The following PTPRU variants were observed in gnomAD, a reference collection of about 807,000 sequenced individuals.
The protein encoded by PTPRU is receptor-type tyrosine-protein phosphatase U.
Under a neutral mutation model 166.3 loss-of-function variants are expected in PTPRU, and 69 were observed. That is an observed-to-expected ratio of 0.41 (90% CI 0.34 to 0.51). The LOEUF is 0.51. PTPRU is among the 20% of genes least tolerant of loss of function. The pLI is 0.09. For synonymous variants in PTPRU, 793 were observed against 814.0 expected (o/e 0.97, Z 0.44); for missense variants, 1,657 against 2,013.7 (o/e 0.82, Z 3.39).
rs1686620010 is a variant in PTPRU at position 29,291,329 on chromosome 1, A to C, written c.2319-540A>C. 6.6e-6 allele frequency among the ~76,000 whole-genome samples: 1 copy of C among 151,922 alleles called. No individual in the cohort carries two copies. The highest frequency in any genetic ancestry group is 1.5e-5 in the Non-Finnish European group (1 of 67,998). On this transcript the variant is annotated intron_variant, in intron 14 of 29. Transcript: ENST00000373779. This position sits in a 1 kb window ranked among gnomAD's most constrained non-coding sequence, Gnocchi z 4.1. ...ATTCTGTGCGTGGGGGAAGCCCCCG[A>C]GCTCTGGCTGAGCACAAGCTAGACT...
intron 18 of PTPRU, among the ~76,000 whole-genome samples, chr1:29,306,957 A>G (rs557666246): frequency 6.6e-5 from 10 of 151,268 alleles, no homozygotes; most frequent in East Asian, 4.0e-4. Flanking sequence ...TGGCAGGGAC[A>G]TGCCACTCCC....
chr1:29,287,593 GTT>G (rs34816026), intron 14 of PTPRU, among the ~76,000 whole-genome samples: 25 of 129,848 alleles, frequency 1.9e-4, no homozygotes, highest in East Asian at 4.5e-4. Flanking sequence ...GTGTATGTAT[GTT>G]TTTTTTTTTT....
intron 1 of PTPRU, among the ~76,000 whole-genome samples, chr1:29,244,891 T>C (rs1436992729): frequency 6.6e-6 from 1 of 152,168 alleles, no homozygotes; most frequent in East Asian, 1.9e-4. Context: ...GGTCATCCTG[T>C]GTGCCCAGAA....
At chr1:29,306,621 TG>T (rs1300176472) in intron 18 of PTPRU, among the ~76,000 whole-genome samples, 1 of 152,142 alleles carries the variant, frequency 6.6e-6, no homozygotes, top group Non-Finnish European at 1.5e-5. Context: ...GAGCTGCCTC[TG>T]GGTGGCTGGA....
chr1:29,255,535 A>G lies in PTPRU; in HGVS notation c.205+129A>G, dbSNP rs550934924. On this transcript the variant is annotated intron_variant, in intron 2 of 29. Coordinates refer to ENST00000373779, the MANE Select transcript of PTPRU (RefSeq NM_133178.4). The stretch of plus-strand genomic sequence containing the variant: ...CATCTACATTTGCATCTTTAATGAC[A>G]TACGTGACACTGAATGTGGCTTTCT... 2,202 of 1,342,172 alleles carry G rather than the reference A, an allele frequency of 1.6e-3. 4 individuals carry two copies. The highest frequency in any genetic ancestry group is 2.2e-3 in the Non-Finnish European group (2,111 of 962,310). 83.1% of individuals were successfully genotyped at this position (1,342,172 alleles called of 1,614,324 possible).
At chr1:29,288,246 T>C (rs1323091739) in intron 14 of PTPRU, among the ~76,000 whole-genome samples, 1 of 152,168 alleles carries the variant, frequency 6.6e-6, no homozygotes, top group African/African-American at 2.4e-5. Flanking sequence ...TGTGGGGCCC[T>C]GGGGAAACTG....
rs906157375 is a variant in PTPRU at position 29,272,918 on chromosome 1, A to G, written c.1145-2530A>G. On this transcript the variant is annotated intron_variant, in intron 7 of 29. Coordinates refer to ENST00000373779, the MANE Select transcript of PTPRU (RefSeq NM_133178.4). ...CAAGACCTTGTCTCAAAAAAAAAAA[A>G]AAAAAAAAAGAAAAAAAAATGCTCC... is the stretch of plus-strand genomic sequence containing the variant. Among the ~76,000 whole-genome samples the G allele has an allele frequency of 4.0e-5, 6 of 150,606 alleles. No individual in the cohort carries two copies. In the South Asian group the frequency reaches 6.2e-4, roughly 16 times the overall value.
chr1:29,248,128 T>A (rs921797073), intron 1 of PTPRU, among the ~76,000 whole-genome samples: 1 of 151,630 alleles, frequency 6.6e-6, no homozygotes, highest in African/African-American at 2.4e-5. Flanking sequence ...TAGAGCTGGG[T>A]GTGGTTGGTG....
intron 24 of PTPRU, among the ~76,000 whole-genome samples, chr1:29,316,794 A>G (rs1687919935): frequency 6.6e-6 from 1 of 152,108 alleles, no homozygotes; most frequent in Admixed American, 6.6e-5. Context: ...TCATGTTCCC[A>G]TCCCTGGACC....
chr1:29,304,030 C>T lies in PTPRU; in HGVS notation c.2652C>T (p.Phe884=), dbSNP rs1417738957. Reference sequence around the variant, plus strand: ...TGAAGACGGCCGAGGGTTACGGCTTCAAGCAGGAGTATGAGGTGCACGCCG... The same window carrying T: ...TGAAGACGGCCGAGGGTTACGGCTTTAAGCAGGAGTATGAGGTGCACGCCG... ...NQMKTAEGYG[F]KQEYESFFEG... The change falls in exon 16 of 30, where the codon TTC becomes TTT. Residue 884 remains phenylalanine (F), a synonymous_variant. Transcript: ENST00000373779. 1.9e-6 allele frequency: 3 copies of T among 1,609,042 alleles called. No homozygotes were observed. Among genetic ancestry groups the T allele is most frequent in the Non-Finnish European group, 2.5e-6 (3 of 1,177,254 alleles).
intron 1 of PTPRU, among the ~76,000 whole-genome samples, chr1:29,248,739 C>G (rs1228760139): frequency 6.6e-6 from 1 of 152,136 alleles, no homozygotes; most frequent in African/African-American, 2.4e-5. Context: ...CACGTATGCA[C>G]AACTCCCATC....
chr1:29,315,633 C>A lies in PTPRU; in HGVS notation c.3363+126C>A, dbSNP rs916362932. 2.1e-6 allele frequency: 3 copies of A among 1,397,708 alleles called. No homozygotes were observed. Among genetic ancestry groups the A allele is most frequent in the Non-Finnish European group, 3.0e-6 (3 of 1,012,676 alleles). The allele number at this position is 1,397,708 out of a possible 1,614,324, so 86.6% of individuals were successfully genotyped here. ...AGGCTCTTGCCTTCCCTCAGATCATCCCTGACCTTGGGCCGCCAACTGCAT... is the reference window on the plus strand; with the variant it reads ...AGGCTCTTGCCTTCCCTCAGATCATACCTGACCTTGGGCCGCCAACTGCAT... On this transcript the variant is annotated intron_variant, in intron 23 of 29. Coordinates refer to ENST00000373779, the MANE Select transcript of PTPRU (RefSeq NM_133178.4). This position sits in a 1 kb window ranked among gnomAD's most constrained non-coding sequence, Gnocchi z 4.5.
intron 15 of PTPRU, among the ~76,000 whole-genome samples, chr1:29,300,243 G>A (rs1370050117): frequency 6.6e-6 from 1 of 152,120 alleles, no homozygotes; most frequent in African/African-American, 2.4e-5. Flanking sequence ...TGTCTACATT[G>A]CACAGTGTTC....
chr1:29,248,607 G>A (rs949028371), intron 1 of PTPRU, among the ~76,000 whole-genome samples: 4 of 152,110 alleles, frequency 2.6e-5, no homozygotes, highest in African/African-American at 9.7e-5. Flanking sequence ...AACAGGCTCT[G>A]TTTGCCAGGT....
Position 29,311,675 on chromosome 1 carries a change from AGACAC to A in PTPRU, c.2989_2993del (p.Asp997LeufsTer16). ...GCTCACGGTACTGGCCGGAGGACTC[AGACAC>A]CTACGGGGACATCAAGATTATGCTG... On this transcript the variant is annotated frameshift_variant, in exon 21 of 30. Coordinates refer to ENST00000373779, the MANE Select transcript of PTPRU (RefSeq NM_133178.4). LOFTEE classifies it high-confidence loss of function. The surrounding 1 kb of genome is among the most constrained non-coding windows in gnomAD (Gnocchi z 4.1). The A allele has an allele frequency of 6.2e-7, 1 of 1,614,230 alleles. No homozygotes were observed. The highest frequency in any genetic ancestry group is 8.5e-7 in the Non-Finnish European group (1 of 1,180,018).
chr1:29,260,694 T>C lies in PTPRU; in HGVS notation c.935T>C (p.Ile312Thr), dbSNP rs1454991503. 8.8e-6 allele frequency: 14 copies of C among 1,584,208 alleles called. 1 individual carries two copies. The highest frequency in any genetic ancestry group is 6.9e-5 in the South Asian group (6 of 87,450). Residue 312 changes from isoleucine to threonine, a missense_variant, in exon 7 of 30, where the codon ATT becomes ACT. By Grantham distance (89) the Ile-to-Thr change is moderately conservative. Coordinates refer to ENST00000373779, the MANE Select transcript of PTPRU (RefSeq NM_133178.4). This position sits in a 1 kb window ranked among gnomAD's most constrained non-coding sequence, Gnocchi z 8.3. ...ATCCAGCTCAACACCAACTCCATCA[T>C]TGGCGACGGGCCGATCGTGCGCAAG... ...LIIQLNTNSI[I>T]GDGPIVRKEI...
intron 15 of PTPRU, among the ~76,000 whole-genome samples, chr1:29,295,710 G>A (rs186109654): frequency 9.3e-5 from 14 of 150,132 alleles, no homozygotes; most frequent in East Asian, 3.9e-4. Context: ...TTTGTGAGAC[G>A]GAGTCTCACT....
At position 29,303,441 on chromosome 1, in the gene PTPRU, T is replaced by G. The variant is rs1687231111; in HGVS notation, c.2477-414T>G. On this transcript the variant is annotated intron_variant, in intron 15 of 29. Coordinates refer to ENST00000373779, the MANE Select transcript of PTPRU (RefSeq NM_133178.4). ...CTGCTAATTTCTGATTTGCCTGTCTTTGAATGGGGGTAATTGCTGGGAGTT... is the reference window on the plus strand; with the variant it reads ...CTGCTAATTTCTGATTTGCCTGTCTGTGAATGGGGGTAATTGCTGGGAGTT... 2.0e-5 allele frequency among the ~76,000 whole-genome samples: 3 copies of G among 152,312 alleles called. No individual in the cohort carries two copies. The South Asian group carries it at 6.2e-4, about 32-fold the overall frequency.
chr1:29,249,588 A>G (rs547960014), intron 1 of PTPRU, among the ~76,000 whole-genome samples: 2 of 152,326 alleles, frequency 1.3e-5, no homozygotes, highest in East Asian at 3.9e-4. Flanking sequence ...GTGTGTGTGA[A>G]CACTGAGCGC....
Sources: allele counts gnomAD v4.1 joint callset (sites outside exome capture counted in the v4.1 genomes callset), GRCh38; gene constraint gnomAD v4.1.1; non-coding constraint Gnocchi (gnomAD v3.1); transcripts MANE v1.5; gene names NCBI Gene and HGNC (gene_info 2026-07-23, HGNC 2026-07-21).